The following MAGEB16 variants were observed in gnomAD, a reference collection of about 807,000 sequenced individuals.
MAGEB16 encodes melanoma-associated antigen B16.
For synonymous variants in MAGEB16, 95 were observed against 92.1 expected (o/e 1.03, Z -0.18); for missense variants, 217 against 234.0 (o/e 0.93, Z 0.47).
chrX:35,802,697 C>T (rs768269720), exon 2 of MAGEB16: 1 of 1,211,432 alleles, frequency 8.3e-7, no homozygotes, highest in Admixed American at 2.2e-5. Flanking sequence ...TGATATTTGG[C>T]CTTGATGTGG....
In MAGEB16 at chrX:35,802,419, G is replaced by A. The variant is rs41304733; in HGVS notation, c.223G>A (p.Val75Ile). Reference sequence around the variant, plus strand: ...GAGTTTCTGCTCCTCTTCCATTGCCGTCACAACCACCTCATCAAGTGAATC... The same window carrying A: ...GAGTTTCTGCTCCTCTTCCATTGCCATCACAACCACCTCATCAAGTGAATC... Residue 75 changes from valine (V) to isoleucine (I), a missense_variant, in exon 2 of 2, where the codon GTC becomes ATC. Coordinates refer to ENST00000399988, the Ensembl canonical transcript of MAGEB16. 6.6e-3 allele frequency: 7,999 copies of A among 1,206,453 alleles called. 31 individuals are homozygous for A. The highest frequency in any genetic ancestry group is 7.4e-3 in the Middle Eastern group (32 of 4,347).
chrX:35,802,765 A>G (rs778573461), exon 2 of MAGEB16: 4 of 1,211,207 alleles, frequency 3.3e-6, no homozygotes, highest in South Asian at 1.8e-5. Flanking sequence ...GGCCTCACCT[A>G]TGATGGGATG....
intron 1 of MAGEB16, 74 bp from the exon 2 acceptor site, chrX:35,802,057 C>T (rs1351200172): frequency 1.6e-5 from 11 of 694,056 alleles, no homozygotes; most frequent in Admixed American, 3.4e-5. Context: ...AGTCTATAGG[C>T]AGTGGCTTCC....
exon 2 of MAGEB16, chrX:35,802,688 G>T: frequency 8.3e-7 from 1 of 1,211,665 alleles, no homozygotes; most frequent in Admixed American, 2.2e-5. Context: ...ACCTAGAGAT[G>T]ATATTTGGCC....
chrX:35,802,299 G>A (rs1238094683), exon 2 of MAGEB16: 1 of 1,210,888 alleles, frequency 8.3e-7, no homozygotes, highest in South Asian at 1.8e-5. Flanking sequence ...CAAGGCTCTG[G>A]AGAAGACCCT....
At position 35,802,949 on chromosome X, in the gene MAGEB16, CA is replaced by C. The variant is rs1303984220; in HGVS notation, c.756del (p.Asp253IlefsTer3). 2 of 1,211,782 alleles carry C rather than the reference CA, an allele frequency of 1.7e-6. No individual in the cohort carries two copies. The highest frequency in any genetic ancestry group is 5.9e-5 in the East Asian group (2 of 33,822). ...TTGGAGAGCCCAGAATGCTCATCAC[CA>C]AAGATTTTGTGAAGGAGAAGTACCT... On this transcript the variant is annotated frameshift_variant, in exon 2 of 2. Transcript: ENST00000399988. LOFTEE classifies it low-confidence loss of function (END_TRUNC).
intron 1 of MAGEB16, among the ~76,000 whole-genome samples, chrX:35,801,791 A>T (rs1381793829): frequency 8.9e-6 from 1 of 112,901 alleles, no homozygotes; most frequent in Non-Finnish European, 1.9e-5. Flanking sequence ...CCACATTACC[A>T]CAGGGGAAGT....
At chrX:35,800,582 G>A (rs918262945) in intron 1 of MAGEB16, 1 of 523,363 alleles carries the variant, frequency 1.9e-6, no homozygotes, top group African/African-American at 2.3e-5. Context: ...AGGACCCTGA[G>A]TGAGGTCTCA....
chrX:35,803,647 G>A (rs12836254), exon 2 of MAGEB16: 1 of 123,940 alleles, frequency 8.1e-6, no homozygotes, highest in Non-Finnish European at 1.8e-5. Context: ...AGTAGCAAAG[G>A]TTTTGTTAAT....
At chrX:35,801,604 C>T (rs1934862587) in intron 1 of MAGEB16, among the ~76,000 whole-genome samples, 1 of 112,146 alleles carries the variant, frequency 8.9e-6, no homozygotes, top group African/African-American at 3.2e-5. Flanking sequence ...GGAAGGATCC[C>T]AGGACCAGCC....
chrX:35,802,425 A>G, exon 2 of MAGEB16: 1 of 1,209,364 alleles, frequency 8.3e-7, no homozygotes, highest in Non-Finnish European at 1.1e-6. Context: ...TGCCGTCACA[A>G]CCACCTCATC....
intron 1 of MAGEB16, chrX:35,800,671 A>G: frequency 4.0e-6 from 2 of 500,029 alleles, no homozygotes; most frequent in South Asian, 2.7e-5. Context: ...GGCTCTGGGC[A>G]GGGCTGTCAG....
At chrX:35,802,833 A>T (rs1301222145) in exon 2 of MAGEB16, 1 of 1,209,748 alleles carries the variant, frequency 8.3e-7, no homozygotes, top group African/African-American at 1.8e-5. Context: ...CCTGGGTGTG[A>T]TCTTCATGAA....
rs1377067700 is a variant in MAGEB16, at chrX:35,802,807, GCCT to G, written c.615_617del (p.Leu206del). The G allele has an allele frequency of 1.6e-5, 19 of 1,209,469 alleles. No homozygotes were observed. The African/African-American group carries it at 2.8e-4, about 18-fold the overall frequency. ...GGTGAAAAGGGTGTGCCCAAGACTG[GCCT>G]CCTGATAATTGTCCTGGGTGTGATC... On this transcript the variant is annotated inframe_deletion, in exon 2 of 2. Coordinates refer to ENST00000399988, the Ensembl canonical transcript of MAGEB16.
chrX:35,802,828 G>T, exon 2 of MAGEB16: 2 of 1,211,954 alleles, frequency 1.7e-6, no homozygotes, highest in Non-Finnish European at 1.1e-6. Flanking sequence ...ATTGTCCTGG[G>T]TGTGATCTTC....
At chrX:35,801,122 TAC>T (rs770450120) in intron 1 of MAGEB16, among the ~76,000 whole-genome samples, 5 of 111,634 alleles carry the variant, frequency 4.5e-5, no homozygotes. Flanking sequence ...TTAGTGTACC[TAC>T]ATCATATCAG....
intron 1 of MAGEB16, among the ~76,000 whole-genome samples, chrX:35,800,182 T>C (rs1778306553): frequency 9.0e-6 from 1 of 111,095 alleles, no homozygotes; most frequent in Admixed American, 9.5e-5. Flanking sequence ...AGGAGGAGTC[T>C]CTCGCAGTGC....
chrX:35,801,673 G>A (rs1386104111), intron 1 of MAGEB16, among the ~76,000 whole-genome samples: 1 of 112,595 alleles, frequency 8.9e-6, no homozygotes, highest in African/African-American at 3.2e-5. Flanking sequence ...CCATTACAGT[G>A]CCTCTCACAG....
At chrX:35,803,340 A>C in exon 2 of MAGEB16, 1 of 418,964 alleles carries the variant, frequency 2.4e-6, no homozygotes, top group Non-Finnish European at 4.0e-6. Flanking sequence ...AATAGTATAT[A>C]TCATCTATAT....
Sources: allele counts gnomAD v4.1 joint callset (sites outside exome capture counted in the v4.1 genomes callset), GRCh38; gene constraint gnomAD v4.1.1; transcripts MANE v1.5; gene names NCBI Gene and HGNC (gene_info 2026-07-23, HGNC 2026-07-21).